The following ZFHX3 variants were observed in gnomAD, a reference collection of about 807,000 sequenced individuals.
ZFHX3 encodes zinc finger homeobox protein 3.
A neutral mutation model predicts 279.1 loss-of-function variants in ZFHX3; 42 were observed. That is an observed-to-expected ratio of 0.15 (90% confidence interval 0.12 to 0.19). ZFHX3 has a LOEUF of 0.19. Ranked by LOEUF, ZFHX3 falls within the 10% of genes least tolerant of loss-of-function variation. ZFHX3 has a pLI of 1.00. For missense variants in ZFHX3, 4,981 were observed against 4,754.0 expected (o/e 1.05, Z -1.40); for synonymous variants, 2,293 against 1,957.8 (o/e 1.17, Z -4.52).
At chr16:73,104,141 G>A (rs1431208937) in intron 7 of ZFHX3, among the ~76,000 whole-genome samples, 1 of 152,178 alleles carries the variant, frequency 6.6e-6, no homozygotes, top group Admixed American at 6.5e-5. Flanking sequence ...AGGCATTGAG[G>A]CCATAGCCAC....
chr16:73,306,202 G>A (rs80226454), intron 4 of ZFHX3, among the ~76,000 whole-genome samples: 5,116 of 152,222 alleles, frequency 0.034, 258 homozygotes, highest in African/African-American at 0.1. Flanking sequence ...AACCCAGTCT[G>A]TTTCTGTTCT....
At chr16:73,794,021 A>C (rs1959912668) in intron 1 of ZFHX3, 1 of 152,122 alleles carries the variant, frequency 6.6e-6, no homozygotes, top group South Asian at 2.1e-4. Context: ...ACATGACACG[A>C]GATTGGCCCT....
chr16:73,692,787 G>A (rs1197112546), intron 1 of ZFHX3, among the ~76,000 whole-genome samples: 1 of 152,176 alleles, frequency 6.6e-6, no homozygotes, highest in Non-Finnish European at 1.5e-5. Context: ...CATTTCTAGA[G>A]CATTGACACT....
chr16:72,982,990 C>A (rs930199908), intron 1 of ZFHX3, among the ~76,000 whole-genome samples: 1 of 152,162 alleles, frequency 6.6e-6, no homozygotes, highest in Non-Finnish European at 1.5e-5. Flanking sequence ...GTGATTTGGG[C>A]CCCAGGATTA....
chr16:73,426,836 T>C (rs1316339336), intron 3 of ZFHX3, among the ~76,000 whole-genome samples: 1 of 152,258 alleles, frequency 6.6e-6, no homozygotes, highest in African/African-American at 2.4e-5. Flanking sequence ...CAGAATCTGC[T>C]GTAAGCAAAA....
At chr16:72,996,238 C>A (rs1248647862) in intron 1 of ZFHX3, among the ~76,000 whole-genome samples, 1 of 152,150 alleles carries the variant, frequency 6.6e-6, no homozygotes, top group Non-Finnish European at 1.5e-5. Flanking sequence ...GAGCTGAGCT[C>A]GTGCCACTGC....
At chr16:73,578,262 A>T (rs942917644) in intron 2 of ZFHX3, among the ~76,000 whole-genome samples, 2 of 152,012 alleles carry the variant, frequency 1.3e-5, no homozygotes, top group African/African-American at 2.4e-5. Context: ...GGTTATTTGG[A>T]TTTTCTATAC....
intron 2 of ZFHX3, among the ~76,000 whole-genome samples, chr16:73,518,088 A>G (rs371712043): frequency 1.2e-4 from 19 of 152,296 alleles, no homozygotes; most frequent in African/African-American, 4.6e-4. Flanking sequence ...AATATATTTT[A>G]TACTCTACAT....
At chr16:73,160,848 G>A (rs1183436902) in intron 5 of ZFHX3, among the ~76,000 whole-genome samples, 1 of 141,260 alleles carries the variant, frequency 7.1e-6, no homozygotes, top group African/African-American at 2.6e-5. Context: ...TATATTAGAT[G>A]TACACTGCTG....
chr16:73,601,125 T>C (rs2052110172), intron 2 of ZFHX3, among the ~76,000 whole-genome samples: 1 of 151,622 alleles, frequency 6.6e-6, no homozygotes, highest in African/African-American at 2.4e-5. Flanking sequence ...CTGCCTTGGG[T>C]CATGTAAACA....
intron 1 of ZFHX3, among the ~76,000 whole-genome samples, chr16:73,847,998 A>T (rs1438769655): frequency 7.1e-6 from 1 of 141,034 alleles, no homozygotes; most frequent in Non-Finnish European, 1.5e-5. Flanking sequence ...TGACCTCATG[A>T]TCCACCCACC....
At chr16:73,073,485 G>A (rs544562571) in intron 8 of ZFHX3, among the ~76,000 whole-genome samples, 2 of 152,234 alleles carry the variant, frequency 1.3e-5, no homozygotes, top group African/African-American at 4.8e-5. Flanking sequence ...CATAGGCCAA[G>A]GACTTGCTGG....
rs143793271 is a variant in ZFHX3 at position 72,834,800 on chromosome 16, G to C, written c.3449-4941C>G. Among the ~76,000 whole-genome samples, 65 of 151,056 alleles carry C rather than the reference G, an allele frequency of 4.3e-4. No homozygotes were observed. The South Asian group carries it at 6.5e-3, about 15-fold the overall frequency. On this transcript the variant is annotated intron_variant, in intron 4 of 9. Coordinates refer to ENST00000268489, the MANE Select transcript of ZFHX3 (RefSeq NM_006885.4). Reference sequence around the variant, plus strand: ...CATCACCCAAGAAAATGTTCTAGCTGTTTAAAAAAGAAAAAAAAAAAGGTA... The same window carrying C: ...CATCACCCAAGAAAATGTTCTAGCTCTTTAAAAAAGAAAAAAAAAAAGGTA...
intron 3 of ZFHX3, among the ~76,000 whole-genome samples, chr16:72,909,833 G>A (rs761575583): frequency 2.6e-4 from 37 of 139,654 alleles, no homozygotes; most frequent in South Asian, 4.5e-4. Flanking sequence ...AGCCAAGATC[G>A]TGCCACTGCA....
chr16:73,093,940 C>T (rs1966123975), intron 7 of ZFHX3, among the ~76,000 whole-genome samples: 1 of 152,114 alleles, frequency 6.6e-6, no homozygotes, highest in African/African-American at 2.4e-5. Context: ...AGGGATGTAG[C>T]CGGCATGGCA....
chr16:73,428,490 T>C (rs985154392), intron 3 of ZFHX3, among the ~76,000 whole-genome samples: 4 of 152,038 alleles, frequency 2.6e-5, no homozygotes, highest in African/African-American at 9.7e-5. Context: ...ACCTCTTCCA[T>C]TACAAATGCA....
intron 2 of ZFHX3, among the ~76,000 whole-genome samples, chr16:73,635,980 T>C (rs2052523990): frequency 6.6e-6 from 1 of 152,152 alleles, no homozygotes; most frequent in African/African-American, 2.4e-5. Context: ...GGTTAGTCAT[T>C]TCCTCTTAGC....
chr16:73,067,009 CT>C, intron 8 of ZFHX3, among the ~76,000 whole-genome samples: 1 of 152,116 alleles, frequency 6.6e-6, no homozygotes. Flanking sequence ...CTCTGCACCC[CT>C]CAGCCCCAGG....
chr16:72,909,586 CAAGTT>C (rs1463133316), intron 3 of ZFHX3, among the ~76,000 whole-genome samples: 1 of 152,072 alleles, frequency 6.6e-6, no homozygotes, highest in Admixed American at 6.6e-5. Context: ...TTTTGAAACT[CAAGTT>C]AAGAGCCAGG....
Sources: gnomAD v4.1 joint callset for allele counts (sites outside exome capture counted in the v4.1 genomes callset) on GRCh38, gnomAD v4.1.1 for gene constraint, MANE v1.5 for transcripts, NCBI Gene and HGNC (gene_info 2026-07-23, HGNC 2026-07-21) for gene names.